PIK3R3: variants seen among roughly 807,000 people sequenced by gnomAD.
The protein encoded by PIK3R3 is phosphoinositide-3-kinase regulatory subunit 3, also known as phosphatidylinositol 3-kinase regulatory subunit gamma.
A neutral mutation model predicts 62.9 loss-of-function variants in PIK3R3; 64 were observed. That is an observed-to-expected ratio of 1.02 (90% CI 0.83 to 1.25). The LOEUF (loss-of-function observed/expected upper bound fraction) is 1.25, where lower values mean the gene tolerates loss of function less well. PIK3R3 is among the 50% of genes most tolerant of loss of function. The pLI, the probability that PIK3R3 is intolerant of heterozygous loss-of-function variation, is 0.00. For synonymous variants in PIK3R3, 165 were observed against 189.0 expected (o/e 0.87, Z 1.04); for missense variants, 614 against 561.6 (o/e 1.09, Z -0.94).
At chr1:46,155,287 C>T in the PIK3R3 span, among the ~76,000 whole-genome samples, 1 of 151,596 alleles carries the variant, frequency 6.6e-6, no homozygotes, top group Non-Finnish European at 1.5e-5. Context: ...TCATACTATG[C>T]ACTCCAGCCT....
intron 7 of PIK3R3, among the ~76,000 whole-genome samples, chr1:46,055,296 C>T (rs1016787209): frequency 2.6e-5 from 4 of 151,988 alleles, no homozygotes; most frequent in South Asian, 2.1e-4. Flanking sequence ...TTAGTAGAAA[C>T]GGAGTTTCAC....
intron 6 of PIK3R3, among the ~76,000 whole-genome samples, chr1:46,061,702 T>G (rs1458555730): frequency 6.6e-6 from 1 of 152,142 alleles, no homozygotes; most frequent in East Asian, 1.9e-4. Flanking sequence ...AAAGATGATA[T>G]CTAACCTGAA....
At chr1:46,152,097 T>A in the PIK3R3 span, among the ~76,000 whole-genome samples, 3 of 152,194 alleles carry the variant, frequency 2.0e-5, no homozygotes, top group African/African-American at 4.8e-5. Context: ...GTTTCTTTAG[T>A]CCTGGTTCAG....
At chr1:46,141,804 G>C in the PIK3R3 span, among the ~76,000 whole-genome samples, 1 of 152,114 alleles carries the variant, frequency 6.6e-6, no homozygotes, top group Non-Finnish European at 1.5e-5. Flanking sequence ...GAGTCAGCCA[G>C]CCAAAGCCAA....
intron 1 of PIK3R3, among the ~76,000 whole-genome samples, chr1:46,082,468 T>C (rs962466459): frequency 1.3e-5 from 2 of 152,188 alleles, no homozygotes; most frequent in African/African-American, 2.4e-5. Context: ...ACTGCGACAA[T>C]GGGCAAAACT....
chr1:46,106,737 T>C (rs1418382546), intron 1 of PIK3R3, among the ~76,000 whole-genome samples: 1 of 152,156 alleles, frequency 6.6e-6, no homozygotes, highest in Non-Finnish European at 1.5e-5. Flanking sequence ...CAGCAAATAA[T>C]GTTGAGTCCT....
intron 1 of PIK3R3, among the ~76,000 whole-genome samples, chr1:46,083,475 C>T (rs933882437): frequency 2.0e-5 from 3 of 151,948 alleles, no homozygotes; most frequent in East Asian, 1.9e-4. Flanking sequence ...CATGGGAGAA[C>T]GTTTTTGTAA....
intron 1 of PIK3R3, among the ~76,000 whole-genome samples, chr1:46,081,924 A>G (rs1302250444): frequency 3.3e-5 from 5 of 152,190 alleles, no homozygotes; most frequent in African/African-American, 1.2e-4. Flanking sequence ...AACAGCTGGC[A>G]TATCAATACA....
intron 1 of PIK3R3, among the ~76,000 whole-genome samples, chr1:46,126,757 C>G (rs1466634921): frequency 6.8e-6 from 1 of 147,642 alleles, no homozygotes; most frequent in East Asian, 2.1e-4. Context: ...GGCAACAAAG[C>G]AAGACCCTGT....
Position 46,055,861 on chromosome 1 carries a change from T to C in PIK3R3, c.875A>G (p.Asp292Gly), listed in dbSNP as rs376975565. ...KNQALDNREI[D>G]KKMNSIKPDL... ...AGGTTTGATGCTATTCATTTTTTTA[T>C]CTATTTCTCGGTTGTCCAAAGCTTG... Residue 292 changes from aspartate to glycine, a missense_variant, in exon 7 of 10, where the codon GAT becomes GGT. By Grantham distance (94) the Asp-to-Gly change is moderately conservative (BLOSUM62 -1). Transcript: ENST00000262741. 2 of 1,610,760 alleles carry C rather than the reference T, an allele frequency of 1.2e-6. No individual in the cohort carries two copies. The highest frequency in any genetic ancestry group is 1.7e-6 in the Non-Finnish European group (2 of 1,178,586).
the PIK3R3 span, among the ~76,000 whole-genome samples, chr1:46,148,733 C>T: frequency 6.8e-6 from 1 of 147,544 alleles, no homozygotes; most frequent in African/African-American, 2.6e-5. Flanking sequence ...TCGTGCTTCT[C>T]CAAGATTTTG....
Position 46,132,606 on chromosome 1 carries a change from A to G in PIK3R3, c.-654T>C, listed in dbSNP as rs1309108066. 7.8e-7 allele frequency: 1 copy of G among 1,289,360 alleles called. No homozygotes were observed. Among genetic ancestry groups the G allele is most frequent in the East Asian group, 5.6e-5 (1 of 17,942 alleles). The allele number at this position is 1,289,360 out of a possible 1,614,324, so 79.9% of individuals were successfully genotyped here. The stretch of plus-strand genomic sequence containing the variant: ...GGGGTGTAAGAACCAACCCGACCGC[A>G]CCAACTGCCCTCAAGCTCTGCCCGG... On this transcript the variant is annotated 5_prime_UTR_variant, in exon 1 of 10. Transcript: ENST00000262741.
At position 46,043,888 on chromosome 1, in the gene PIK3R3, CAG is replaced by C; in HGVS notation, c.1188-19_1188-18del. 6.2e-7 allele frequency: 1 copy of C among 1,603,422 alleles called. No homozygotes were observed. The highest frequency in any genetic ancestry group is 8.5e-7 in the Non-Finnish European group (1 of 1,172,822). ...CCATCGGCCCTGCAATGACAAACCA[CAG>C]AAGAAATGTTAAGGTAGGTAACAAT... On this transcript the variant is annotated intron_variant, in intron 9 of 9. Coordinates refer to ENST00000262741, the MANE Select transcript of PIK3R3 (RefSeq NM_003629.4).
intron 1 of PIK3R3, among the ~76,000 whole-genome samples, chr1:46,086,734 C>A (rs993385833): frequency 2.6e-5 from 4 of 152,130 alleles, no homozygotes; most frequent in African/African-American, 9.7e-5. Flanking sequence ...CCACTGTACT[C>A]TGGAAAGGCC....
chr1:46,105,588 G>C (rs1234993763), intron 1 of PIK3R3, among the ~76,000 whole-genome samples: 1 of 152,114 alleles, frequency 6.6e-6, no homozygotes, highest in Non-Finnish European at 1.5e-5. Context: ...GGCTGAGGCA[G>C]GTGGATCACC....
intron 1 of PIK3R3, among the ~76,000 whole-genome samples, chr1:46,102,373 C>T (rs1198148779): frequency 6.6e-6 from 1 of 152,138 alleles, no homozygotes; most frequent in Admixed American, 6.5e-5. Context: ...TTATCTGCTA[C>T]TTGTATAAAG....
intron 1 of PIK3R3, among the ~76,000 whole-genome samples, chr1:46,110,230 G>C (rs1054843641): frequency 2.7e-5 from 4 of 147,754 alleles, no homozygotes. Flanking sequence ...TCCTGGCTCA[G>C]CCTCCCGAGT....
chr1:46,156,389 A>T, the PIK3R3 span, among the ~76,000 whole-genome samples: 6 of 150,984 alleles, frequency 4.0e-5, no homozygotes, highest in African/African-American at 1.5e-4. Context: ...AACCCTGGAG[A>T]CGGAGGTTCC....
chr1:46,130,820 T>C (rs1387841645), intron 1 of PIK3R3, among the ~76,000 whole-genome samples: 1 of 152,216 alleles, frequency 6.6e-6, no homozygotes, highest in African/African-American at 2.4e-5. Context: ...TCTCTACTTA[T>C]TCAGAATCAT....
Sources: gnomAD v4.1 joint callset for allele counts (sites outside exome capture counted in the v4.1 genomes callset) on GRCh38, gnomAD v4.1.1 for gene constraint, MANE v1.5 for transcripts, NCBI Gene and HGNC (gene_info 2026-07-23, HGNC 2026-07-21) for gene names.